The following LGR4 variants were observed in gnomAD, a reference collection of about 807,000 sequenced individuals.
The protein encoded by LGR4 is leucine rich repeat containing G protein-coupled receptor 4.
LGR4 carries 44 observed loss-of-function variants against 84.8 expected under a neutral mutation model. The observed-to-expected ratio is 0.52, with a 90% CI of 0.41 to 0.67. The LOEUF is 0.67. Ranked by LOEUF, LGR4 falls within the 30% of genes least tolerant of loss-of-function variation. The pLI, the probability that LGR4 is intolerant of heterozygous loss-of-function variation, is 0.00. For synonymous variants in LGR4, 429 were observed against 434.3 expected, an observed-to-expected ratio of 0.99 and a Z score of 0.15; for missense variants, 1,032 against 1,131.4, an observed-to-expected ratio of 0.91 and a Z score of 1.26.
intron 1 of LGR4, among the ~76,000 whole-genome samples, chr11:27,436,777 T>C (rs1193461604): frequency 6.6e-6 from 1 of 152,218 alleles, no homozygotes; most frequent in Non-Finnish European, 1.5e-5. Context: ...CGTTTGTTCA[T>C]ATGTTATTAC....
chr11:27,377,258 G>C (rs1003692127), intron 11 of LGR4, 35 bp from the exon 12 acceptor site: 9 of 1,077,748 alleles, frequency 8.4e-6, no homozygotes, highest in Non-Finnish European at 1.3e-5. Flanking sequence ...TTAATGCTAT[G>C]TTATCAGAGT....
rs117340501 is a variant in LGR4, at chr11:27,459,333, T to C, written c.185+12785A>G. The stretch of plus-strand genomic sequence containing the variant: ...AACTCAGGCTCGAGTAACTTGAGGG[T>C]TGGGAAGGACCCTGATGAAATGGAT... On this transcript the variant is annotated intron_variant, in intron 1 of 17. Coordinates refer to ENST00000379214, the MANE Select transcript of LGR4 (RefSeq NM_018490.5). Among the ~76,000 whole-genome samples, 250 of 152,232 alleles carry C rather than the reference T, an allele frequency of 1.6e-3. 1 individual carries two copies. The highest frequency in any genetic ancestry group is 1.7e-3 in the Non-Finnish European group (116 of 68,018).
intron 16 of LGR4, 68 bp from the exon 17 acceptor site, chr11:27,371,766 C>G: frequency 1.7e-6 from 2 of 1,167,422 alleles, no homozygotes; most frequent in Non-Finnish European, 1.3e-6. Context: ...TATTTTCCTG[C>G]AATTTTCTCT....
At chr11:27,430,711 CCT>C (rs1023300387) in intron 1 of LGR4, among the ~76,000 whole-genome samples, 6 of 152,094 alleles carry the variant, frequency 3.9e-5, no homozygotes, top group African/African-American at 1.4e-4. Context: ...GTTTGGTCTC[CCT>C]CTTTCCATGC....
chr11:27,443,418 C>A (rs955923661), intron 1 of LGR4, among the ~76,000 whole-genome samples: 2 of 152,176 alleles, frequency 1.3e-5, no homozygotes, highest in Non-Finnish European at 2.9e-5. Flanking sequence ...ACCTAAGTAG[C>A]CTGTATATCA....
In LGR4 at chr11:27,367,744, CCTT is replaced by C. The variant is rs1862793809; in HGVS notation, c.*120_*122del. 1 of 672,704 alleles carries C rather than the reference CCTT, an allele frequency of 1.5e-6. No homozygotes were observed. The highest frequency in any genetic ancestry group is 2.5e-6 in the Non-Finnish European group (1 of 406,190). 41.7% of individuals were successfully genotyped at this position (672,704 alleles called of 1,614,324 possible). A position where few individuals can be genotyped will look rare whatever the true frequency, so the allele number is the denominator to read the frequency against. On this transcript the variant is annotated 3_prime_UTR_variant, in exon 18 of 18. Transcript: ENST00000379214. ...GTTTGAGAAATAAACTGCCACCTCT[CCTT>C]CTTCTAAGTGACACCAGGCAGTGAT...
chr11:27,413,332 C>T (rs1171335135), intron 1 of LGR4, among the ~76,000 whole-genome samples: 1 of 152,070 alleles, frequency 6.6e-6, no homozygotes, highest in Non-Finnish European at 1.5e-5. Context: ...TAAAAGTCCT[C>T]CAGGTAACAG....
At chr11:27,459,474 C>A (rs1864639866) in intron 1 of LGR4, among the ~76,000 whole-genome samples, 1 of 151,402 alleles carries the variant, frequency 6.6e-6, no homozygotes, top group African/African-American at 2.4e-5. Context: ...GTGTGAAGGG[C>A]AAATTCTTTT....
At chr11:27,404,915 C>T (rs1009834394) in intron 2 of LGR4, among the ~76,000 whole-genome samples, 2 of 152,120 alleles carry the variant, frequency 1.3e-5, no homozygotes, top group African/African-American at 2.4e-5. Flanking sequence ...TTTTAAGCCT[C>T]GAGATCCAGT....
intron 1 of LGR4, among the ~76,000 whole-genome samples, chr11:27,425,023 TAG>T (rs1274562337): frequency 6.6e-6 from 1 of 152,136 alleles, no homozygotes; most frequent in Non-Finnish European, 1.5e-5. Flanking sequence ...GCTGGGATTA[TAG>T]GCGTGAGACA....
chr11:27,469,451 C>T (rs939672443), intron 1 of LGR4, among the ~76,000 whole-genome samples: 1 of 152,144 alleles, frequency 6.6e-6, no homozygotes, highest in Non-Finnish European at 1.5e-5. Context: ...CTTATTTATT[C>T]ACTCCAGCAT....
At chr11:27,429,410 G>C (rs1025135767) in intron 1 of LGR4, among the ~76,000 whole-genome samples, 2 of 151,978 alleles carry the variant, frequency 1.3e-5, no homozygotes, top group Non-Finnish European at 2.9e-5. Context: ...ACGAACCCTG[G>C]AGGCGGAGGT....
intron 11 of LGR4, among the ~76,000 whole-genome samples, chr11:27,378,168 C>A (rs541286010): frequency 6.6e-6 from 1 of 152,160 alleles, no homozygotes; most frequent in Non-Finnish European, 1.5e-5. Context: ...CTTGCTTAAT[C>A]AATCAGTCAT....
At chr11:27,406,082 C>T (rs1396220712) in intron 2 of LGR4, among the ~76,000 whole-genome samples, 1 of 152,094 alleles carries the variant, frequency 6.6e-6, no homozygotes, top group Non-Finnish European at 1.5e-5. Context: ...ACCACCTATC[C>T]CAGTCTGTGT....
At chr11:27,423,679 A>G (rs1863965856) in intron 1 of LGR4, among the ~76,000 whole-genome samples, 4 of 152,238 alleles carry the variant, frequency 2.6e-5, no homozygotes, top group African/African-American at 9.6e-5. Context: ...TATTCAGCAG[A>G]GAAGAGGCTA....
intron 1 of LGR4, among the ~76,000 whole-genome samples, chr11:27,422,120 G>C (rs1364961425): frequency 1.3e-5 from 2 of 152,068 alleles, no homozygotes; most frequent in African/African-American, 4.8e-5. Context: ...TATTTCAATA[G>C]TCCATTTAAC....
chr11:27,393,028 T>C (rs1297719289), intron 2 of LGR4, among the ~76,000 whole-genome samples: 1 of 152,164 alleles, frequency 6.6e-6, no homozygotes, highest in Non-Finnish European at 1.5e-5. Flanking sequence ...AGCATAACTT[T>C]CCAAACAATG....
intron 1 of LGR4, among the ~76,000 whole-genome samples, chr11:27,465,014 G>T (rs970129634): frequency 1.2e-4 from 18 of 152,256 alleles, no homozygotes; most frequent in African/African-American, 4.3e-4. Context: ...TAAATATAAG[G>T]AATAAAGAAC....
intron 2 of LGR4, among the ~76,000 whole-genome samples, chr11:27,402,411 AAAGT>A (rs1363543845): frequency 1.6e-5 from 2 of 123,130 alleles, no homozygotes; most frequent in African/African-American, 8.1e-5. Context: ...AGCACACTAG[AAAGT>A]AAGGAGATAC....
Sources: gnomAD v4.1 joint callset for allele counts (sites outside exome capture counted in the v4.1 genomes callset) on GRCh38, gnomAD v4.1.1 for gene constraint, MANE v1.5 for transcripts, NCBI Gene and HGNC (gene_info 2026-07-23, HGNC 2026-07-21) for gene names.